Variants in GALNT13 observed in about 807,000 individuals in gnomAD.
GALNT13 encodes the protein UDP-GalNAc:polypeptide N-acetylgalactosaminyltransferase 13.
GALNT13 carries 28 observed loss-of-function variants against 64.2 expected under a neutral mutation model. That is an observed-to-expected ratio of 0.44 (90% CI 0.32 to 0.60). The LOEUF is 0.60. Ranked by LOEUF, GALNT13 falls within the 20% of genes least tolerant of loss-of-function variation. The pLI, the probability that GALNT13 is intolerant of heterozygous loss-of-function variation, is 0.05. For synonymous variants in GALNT13, 214 were observed against 224.6 expected, an observed-to-expected ratio of 0.95 and a Z score of 0.42; for missense variants, 577 against 669.8, an observed-to-expected ratio of 0.86 and a Z score of 1.53.
chr2:154,105,620 G>A (rs1037569723), intron 3 of GALNT13, among the ~76,000 whole-genome samples: 2 of 152,090 alleles, frequency 1.3e-5, no homozygotes, highest in African/African-American at 4.8e-5. Context: ...TTGTCAGAAT[G>A]CATACTCATT....
At chr2:154,030,653 G>A (rs1698276177) in intron 3 of GALNT13, among the ~76,000 whole-genome samples, 1 of 152,146 alleles carries the variant, frequency 6.6e-6, no homozygotes, top group Non-Finnish European at 1.5e-5. Context: ...CTGGTTGGCA[G>A]TTATTGGATC....
the GALNT13 span, among the ~76,000 whole-genome samples, chr2:153,758,740 G>T: frequency 6.6e-6 from 1 of 152,036 alleles, no homozygotes; most frequent in Non-Finnish European, 1.5e-5. Context: ...TTACAGGCCT[G>T]TGTGCCGCAC....
intron 8 of GALNT13, among the ~76,000 whole-genome samples, chr2:154,288,955 G>A (rs757248408): frequency 1.3e-5 from 2 of 152,230 alleles, no homozygotes; most frequent in Non-Finnish European, 2.9e-5. Flanking sequence ...GGGACTCTGT[G>A]TGGGGGCTTG....
At chr2:153,107,017 A>G in the GALNT13 span, among the ~76,000 whole-genome samples, 1 of 152,160 alleles carries the variant, frequency 6.6e-6, no homozygotes, top group African/African-American at 2.4e-5. Flanking sequence ...ATAGGTTTTC[A>G]AAAATAAAAC....
At chr2:154,399,910 T>G (rs982522829) in intron 10 of GALNT13, among the ~76,000 whole-genome samples, 1 of 152,158 alleles carries the variant, frequency 6.6e-6, no homozygotes, top group Non-Finnish European at 1.5e-5. Flanking sequence ...AACGGCTGTT[T>G]AAAAAACCTG....
chr2:153,917,049 A>T (rs1689401330), intron 2 of GALNT13, among the ~76,000 whole-genome samples: 1 of 152,148 alleles, frequency 6.6e-6, no homozygotes, highest in African/African-American at 2.4e-5. Flanking sequence ...GCCTCAGTTT[A>T]TTCAGCTGAC....
intron 8 of GALNT13, among the ~76,000 whole-genome samples, chr2:154,283,614 T>G (rs1463099431): frequency 6.6e-6 from 1 of 151,594 alleles, no homozygotes; most frequent in Non-Finnish European, 1.5e-5. Context: ...AGTTTCATAA[T>G]GTAGAAACGT....
the GALNT13 span, among the ~76,000 whole-genome samples, chr2:153,558,955 A>C: frequency 6.6e-6 from 1 of 152,196 alleles, no homozygotes; most frequent in Non-Finnish European, 1.5e-5. Context: ...GTTCTTCTGG[A>C]AAGTTGGATG....
At chr2:153,721,702 A>C in the GALNT13 span, among the ~76,000 whole-genome samples, 4 of 152,074 alleles carry the variant, frequency 2.6e-5, no homozygotes, top group East Asian at 1.9e-4. Flanking sequence ...CAAAGATCAA[A>C]AGAGACAAGG....
At chr2:153,676,665 G>T in the GALNT13 span, among the ~76,000 whole-genome samples, 2 of 151,994 alleles carry the variant, frequency 1.3e-5, no homozygotes, top group African/African-American at 4.8e-5. Flanking sequence ...AATCCACTAT[G>T]ATCATAGTGG....
the GALNT13 span, among the ~76,000 whole-genome samples, chr2:153,674,324 A>G: frequency 6.6e-6 from 1 of 152,296 alleles, no homozygotes; most frequent in South Asian, 2.1e-4. Flanking sequence ...ACAGTAACCA[A>G]AACAGCATGG....
the GALNT13 span, among the ~76,000 whole-genome samples, chr2:153,408,290 A>G: frequency 6.6e-6 from 1 of 152,132 alleles, no homozygotes; most frequent in Non-Finnish European, 1.5e-5. Flanking sequence ...TTTCATACTG[A>G]GTAACACCTG....
chr2:153,719,661 G>A, the GALNT13 span, among the ~76,000 whole-genome samples: 2 of 152,168 alleles, frequency 1.3e-5, no homozygotes, highest in Non-Finnish European at 1.5e-5. Flanking sequence ...AGTGCAAGGG[G>A]TCAGGGAGTT....
At chr2:153,170,593 C>G in the GALNT13 span, among the ~76,000 whole-genome samples, 1 of 152,180 alleles carries the variant, frequency 6.6e-6, no homozygotes, top group East Asian at 1.9e-4. Context: ...AAAATAGTGT[C>G]TCATTGCAAG....
the GALNT13 span, chr2:153,478,239 G>A: frequency 6.2e-7 from 1 of 1,610,444 alleles, no homozygotes; most frequent in Non-Finnish European, 8.5e-7. Flanking sequence ...GGGCGGGTCA[G>A]TAGGGCCCCA....
At chr2:153,661,617 G>A in the GALNT13 span, among the ~76,000 whole-genome samples, 270 of 152,138 alleles carry the variant, frequency 1.8e-3, no homozygotes, top group African/African-American at 6.2e-3. Context: ...ATGAAGATAC[G>A]GGCATATATG....
intron 3 of GALNT13, among the ~76,000 whole-genome samples, chr2:154,062,933 A>C (rs6758016): frequency 0.18 from 27,729 of 151,826 alleles, 4,634 homozygotes; most frequent in East Asian, 0.74. Context: ...TAATTTTAAC[A>C]GTCATTTAGC....
intron 3 of GALNT13, among the ~76,000 whole-genome samples, chr2:154,115,363 T>C (rs1402633987): frequency 6.6e-6 from 1 of 152,190 alleles, no homozygotes; most frequent in East Asian, 1.9e-4. Context: ...GCAGGTTTGT[T>C]ACATATGTAT....
the GALNT13 span, among the ~76,000 whole-genome samples, chr2:153,723,621 T>A: frequency 6.6e-6 from 1 of 152,198 alleles, no homozygotes; most frequent in East Asian, 1.9e-4. Context: ...GGATACAATA[T>A]CAATGTACAA....
Sources: gnomAD v4.1 joint callset for allele counts (sites outside exome capture counted in the v4.1 genomes callset) on GRCh38, gnomAD v4.1.1 for gene constraint, MANE v1.5 for transcripts, NCBI Gene and HGNC (gene_info 2026-07-23, HGNC 2026-07-21) for gene names.